Variants in GRB10 observed in about 807,000 individuals in gnomAD.
GRB10 encodes the protein growth factor receptor-bound protein 10.
A neutral mutation model predicts 80.9 loss-of-function variants in GRB10; 20 were observed. That is an observed-to-expected ratio of 0.25 (90% CI 0.17 to 0.36). GRB10 has a LOEUF of 0.36. Ranked by LOEUF, GRB10 falls within the 10% of genes least tolerant of loss-of-function variation. GRB10 has a pLI of 1.00. For synonymous variants in GRB10, 291 were observed against 291.5 expected, an observed-to-expected ratio of 1.00 and a Z score of 0.02; for missense variants, 548 against 747.7, an observed-to-expected ratio of 0.73 and a Z score of 3.12.
chr7:50,684,930 T>C (rs2061948028), intron 5 of GRB10, among the ~76,000 whole-genome samples: 1 of 152,202 alleles, frequency 6.6e-6, no homozygotes. Context: ...AGGTTCTCAT[T>C]TTCCATGAAC....
At chr7:50,768,555 T>A (rs904570529) in intron 2 of GRB10, among the ~76,000 whole-genome samples, 2 of 152,248 alleles carry the variant, frequency 1.3e-5, no homozygotes, top group African/African-American at 4.8e-5. Flanking sequence ...GTCATCACTA[T>A]GTTCTCAATC....
chr7:50,710,763 G>T, intron 4 of GRB10: 2 of 1,185,604 alleles, frequency 1.7e-6, no homozygotes, highest in Non-Finnish European at 2.5e-6. Flanking sequence ...CCTTCCTGAG[G>T]CAGAACGACC....
At chr7:50,670,195 C>T (rs1014918581) in intron 6 of GRB10, among the ~76,000 whole-genome samples, 1 of 152,108 alleles carries the variant, frequency 6.6e-6, no homozygotes, top group African/African-American at 2.4e-5. Flanking sequence ...AAACCAGAGA[C>T]ACTGTGTGAT....
chr7:50,777,609 T>C (rs1320371293), intron 2 of GRB10, among the ~76,000 whole-genome samples: 2 of 152,000 alleles, frequency 1.3e-5, no homozygotes, highest in East Asian at 3.9e-4. Context: ...TAAAGATACA[T>C]GCACACCTAT....
At chr7:50,787,002 C>T (rs1295270199), upstream of GRB10, among the ~76,000 whole-genome samples, 1 of 152,134 alleles carries the variant, frequency 6.6e-6, no homozygotes, top group Non-Finnish European at 1.5e-5. Context: ...ATGGTAAGTA[C>T]ATTTTAAAAA....
intron 2 of GRB10, among the ~76,000 whole-genome samples, chr7:50,764,663 C>A (rs1163454774): frequency 1.3e-5 from 2 of 152,194 alleles, no homozygotes; most frequent in African/African-American, 4.8e-5. Flanking sequence ...AAGCGCTCAG[C>A]CACTCTCTGC....
chr7:50,648,051 G>C (rs2057469903), intron 7 of GRB10, among the ~76,000 whole-genome samples: 1 of 152,146 alleles, frequency 6.6e-6, no homozygotes, highest in Admixed American at 6.5e-5. Context: ...CCTTGAGGAA[G>C]AGTTTGGATG....
chr7:50,786,670 G>C (rs2078706454), upstream of GRB10, among the ~76,000 whole-genome samples: 1 of 152,180 alleles, frequency 6.6e-6, no homozygotes, highest in African/African-American at 2.4e-5. Context: ...GAGAGTAGAT[G>C]GACATTTTCC....
intron 7 of GRB10, among the ~76,000 whole-genome samples, chr7:50,636,020 T>A (rs1360209838): frequency 8.1e-6 from 1 of 123,650 alleles, no homozygotes; most frequent in African/African-American, 3.0e-5. Context: ...TCTCCCAGGC[T>A]GGAGTGCAGT....
chr7:50,664,678 G>A (rs2059617246), intron 7 of GRB10, among the ~76,000 whole-genome samples: 2 of 152,194 alleles, frequency 1.3e-5, no homozygotes, highest in Non-Finnish European at 2.9e-5. Context: ...GTGTCTGCCA[G>A]GGCACCAAGA....
intron 13 of GRB10, among the ~76,000 whole-genome samples, chr7:50,608,963 T>G (rs1268511807): frequency 2.5e-5 from 1 of 40,064 alleles, no homozygotes; most frequent in Non-Finnish European, 5.1e-5. Context: ...AGACCCTGAC[T>G]CAAAAAAAAA....
chr7:50,768,684 A>C (rs1183480520), intron 2 of GRB10, among the ~76,000 whole-genome samples: 2 of 152,216 alleles, frequency 1.3e-5, no homozygotes, highest in Non-Finnish European at 2.9e-5. Context: ...AGATCGTAGA[A>C]TGATGATCTC....
intron 5 of GRB10, among the ~76,000 whole-genome samples, chr7:50,691,136 C>T (rs1050409685): frequency 6.6e-6 from 1 of 152,086 alleles, no homozygotes; most frequent in African/African-American, 2.4e-5. Context: ...TCCCAGGCAG[C>T]GGGGGCAACT....
chr7:50,745,641 G>T (rs17549133), intron 3 of GRB10, among the ~76,000 whole-genome samples: 3,398 of 152,228 alleles, frequency 0.022, 57 homozygotes, highest in Non-Finnish European at 0.039. Context: ...TTGGGAAAAC[G>T]GCTAGAACTT....
chr7:50,707,888 C>T (rs17152109), intron 4 of GRB10, among the ~76,000 whole-genome samples: 1,565 of 152,232 alleles, frequency 0.01, 26 homozygotes, highest in African/African-American at 0.034. Context: ...CTGCTTTGCC[C>T]GAGACCTCCT....
intron 7 of GRB10, among the ~76,000 whole-genome samples, chr7:50,663,455 C>A (rs947880856): frequency 1.1e-4 from 17 of 152,232 alleles, no homozygotes; most frequent in African/African-American, 4.1e-4. Flanking sequence ...CGAGTCCCTC[C>A]ACTTGGGATG....
At chr7:50,734,221 T>A (rs556891165) in intron 3 of GRB10, among the ~76,000 whole-genome samples, 1 of 152,240 alleles carries the variant, frequency 6.6e-6, no homozygotes, top group Admixed American at 6.5e-5. Flanking sequence ...CCAGGCGGCC[T>A]CTGCCTTCCA....
intron 7 of GRB10, among the ~76,000 whole-genome samples, chr7:50,641,861 G>A (rs1476486058): frequency 2.0e-5 from 3 of 152,182 alleles, no homozygotes; most frequent in Non-Finnish European, 4.4e-5. Context: ...TACCGTGAGC[G>A]AGCCCAGAGT....
In GRB10 at chr7:50,591,491, T is replaced by A. The variant is rs1381421560; in HGVS notation, c.*1461A>T. 1 of 152,156 alleles carries A rather than the reference T, an allele frequency of 6.6e-6. No homozygotes were observed. The highest frequency in any genetic ancestry group is 2.4e-5 in the African/African-American group (1 of 41,344). 9.4% of individuals were successfully genotyped at this position (152,156 alleles called of 1,614,324 possible). Reference sequence around the variant, plus strand: ...GAAATCATTCTGCTCACCACAGTAGTTTGTCGCCTGTCAAAGGAGTCCTTT... The same window carrying A: ...GAAATCATTCTGCTCACCACAGTAGATTGTCGCCTGTCAAAGGAGTCCTTT... On this transcript the variant is annotated 3_prime_UTR_variant, in exon 19 of 19. Coordinates refer to ENST00000401949, the MANE Select transcript of GRB10 (RefSeq NM_001350814.2).
Sources: gnomAD v4.1 joint callset for allele counts (sites outside exome capture counted in the v4.1 genomes callset) on GRCh38, gnomAD v4.1.1 for gene constraint, MANE v1.5 for transcripts, NCBI Gene and HGNC (gene_info 2026-07-23, HGNC 2026-07-21) for gene names.